The following GPC5 variants were observed in gnomAD, a reference collection of about 807,000 sequenced individuals.
GPC5 encodes glypican 5.
Under a neutral mutation model 53.9 loss-of-function variants are expected in GPC5, and 47 were observed. The ratio of observed to expected loss-of-function variants is 0.87; its 90% confidence interval spans 0.69 to 1.11. The LOEUF (loss-of-function observed/expected upper bound fraction) is 1.11, where lower values mean the gene tolerates loss of function less well. Ranked by LOEUF, GPC5 falls within the 50% of genes most tolerant of loss-of-function variation. GPC5 has a pLI of 0.00. For synonymous variants in GPC5, 286 were observed against 263.3 expected (o/e 1.09, Z -0.84); for missense variants, 748 against 713.1 (o/e 1.05, Z -0.56).
intron 7 of GPC5, among the ~76,000 whole-genome samples, chr13:92,569,005 C>T (rs1158152049): frequency 6.6e-6 from 1 of 151,134 alleles, no homozygotes; most frequent in Non-Finnish European, 1.5e-5. Flanking sequence ...TATACATGTG[C>T]CATGCTGGTG....
chr13:92,704,547 CAAATT>C (rs1887876322), intron 7 of GPC5, among the ~76,000 whole-genome samples: 1 of 151,920 alleles, frequency 6.6e-6, no homozygotes, highest in South Asian at 2.1e-4. Flanking sequence ...CAAAATTCAT[CAAATT>C]AAATTATTCT....
chr13:92,406,264 C>T (rs528394545), intron 7 of GPC5, among the ~76,000 whole-genome samples: 2 of 152,194 alleles, frequency 1.3e-5, no homozygotes, highest in Non-Finnish European at 2.9e-5. Context: ...AGGAGAGATG[C>T]ATGTACAGTT....
chr13:92,350,454 A>G (rs74107225), intron 7 of GPC5, among the ~76,000 whole-genome samples: 4,322 of 152,282 alleles, frequency 0.028, 215 homozygotes, highest in African/African-American at 0.099. Flanking sequence ...AGGCAAATAC[A>G]TGTTCTCCCT....
intron 7 of GPC5, among the ~76,000 whole-genome samples, chr13:92,863,276 G>A (rs1179292052): frequency 6.6e-6 from 1 of 152,196 alleles, no homozygotes; most frequent in East Asian, 1.9e-4. Context: ...CACTGCTTAT[G>A]GTCACTTAAC....
At chr13:92,074,574 A>G (rs1475256988) in intron 6 of GPC5, among the ~76,000 whole-genome samples, 1 of 152,176 alleles carries the variant, frequency 6.6e-6, no homozygotes, top group Non-Finnish European at 1.5e-5. Context: ...GTGTATGTTT[A>G]TGTCACACTG....
intron 7 of GPC5, among the ~76,000 whole-genome samples, chr13:92,175,274 T>A (rs780030763): frequency 1.3e-5 from 2 of 152,240 alleles, no homozygotes; most frequent in Non-Finnish European, 2.9e-5. Flanking sequence ...TGTTTGTTTC[T>A]GTTTATCGAT....
At chr13:92,238,997 T>C (rs1428785000) in intron 7 of GPC5, among the ~76,000 whole-genome samples, 2 of 133,306 alleles carry the variant, frequency 1.5e-5, no homozygotes, top group Admixed American at 1.5e-4. Flanking sequence ...GCTGACAAGA[T>C]TATTTTTTTT....
At chr13:92,781,413 C>A (rs1255326239) in intron 7 of GPC5, among the ~76,000 whole-genome samples, 2 of 151,902 alleles carry the variant, frequency 1.3e-5, no homozygotes, top group Non-Finnish European at 2.9e-5. Context: ...TAAAATTTCA[C>A]TTATCCAGAA....
At chr13:91,515,187 A>G (rs576239601) in intron 2 of GPC5, among the ~76,000 whole-genome samples, 3 of 152,200 alleles carry the variant, frequency 2.0e-5, no homozygotes, top group Non-Finnish European at 4.4e-5. Flanking sequence ...CACTATAGTT[A>G]TCTTGTTGAT....
At chr13:92,332,744 C>A (rs55985427) in intron 7 of GPC5, among the ~76,000 whole-genome samples, 4,315 of 152,054 alleles carry the variant, frequency 0.028, 215 homozygotes, top group African/African-American at 0.099. Context: ...ATAGCTATTC[C>A]CAATCACCCT....
At chr13:91,769,400 A>G (rs986853837) in intron 5 of GPC5, among the ~76,000 whole-genome samples, 1 of 152,138 alleles carries the variant, frequency 6.6e-6, no homozygotes, top group Non-Finnish European at 1.5e-5. Context: ...ACTAATTATC[A>G]CAGGTAGTAT....
intron 2 of GPC5, among the ~76,000 whole-genome samples, chr13:91,596,907 T>C (rs191051949): frequency 7.2e-5 from 11 of 152,190 alleles, no homozygotes; most frequent in African/African-American, 2.4e-4. Context: ...TTCTGGTGAA[T>C]ACTCCAGAAC....
intron 2 of GPC5, among the ~76,000 whole-genome samples, chr13:91,674,503 G>A (rs168216): frequency 0.22 from 30,577 of 138,764 alleles, 5,450 homozygotes; most frequent in African/African-American, 0.47. Flanking sequence ...ATATGCATAT[G>A]TGTATATATA....
intron 7 of GPC5, among the ~76,000 whole-genome samples, chr13:92,432,518 G>A (rs540927195): frequency 1.3e-5 from 2 of 150,306 alleles, no homozygotes; most frequent in East Asian, 2.0e-4. Context: ...ATCATCACAG[G>A]CACCCACCAC....
chr13:91,421,741 T>A (rs1315562620), intron 1 of GPC5, among the ~76,000 whole-genome samples: 1 of 152,222 alleles, frequency 6.6e-6, no homozygotes, highest in African/African-American at 2.4e-5. Flanking sequence ...CAGTACAGTT[T>A]TACTAACACC....
At chr13:92,133,683 GAGA>G (rs2041762451) in intron 6 of GPC5, among the ~76,000 whole-genome samples, 1 of 152,038 alleles carries the variant, frequency 6.6e-6, no homozygotes, top group African/African-American at 2.4e-5. Flanking sequence ...CAGTCTCATG[GAGA>G]TAAATGGTTA....
intron 2 of GPC5, among the ~76,000 whole-genome samples, chr13:91,526,302 G>A (rs1427218056): frequency 6.6e-6 from 1 of 152,138 alleles, no homozygotes; most frequent in Non-Finnish European, 1.5e-5. Flanking sequence ...TAGATACTTG[G>A]AATTGAAAGA....
intron 7 of GPC5, among the ~76,000 whole-genome samples, chr13:92,420,578 A>T (rs1215846957): frequency 6.6e-6 from 1 of 152,048 alleles, no homozygotes; most frequent in Admixed American, 6.6e-5. Flanking sequence ...CAAATACTAG[A>T]TCTTATTCTT....
In GPC5 at chr13:91,570,008, T is replaced by C. The variant is rs151215419; in HGVS notation, c.325+121086T>C. 2.3e-3 allele frequency among the ~76,000 whole-genome samples: 352 copies of C among 152,300 alleles called. 1 individual carries two copies. The highest frequency in any genetic ancestry group is 3.4e-3 in the Non-Finnish European group (229 of 68,020). On this transcript the variant is annotated intron_variant, in intron 2 of 7. Transcript: ENST00000377067. ...ATAATGAAAGAATAAGATAACAATTTAAGTGAAGGTTTGTAATTTTAGAGT... is the reference window on the plus strand; with the variant it reads ...ATAATGAAAGAATAAGATAACAATTCAAGTGAAGGTTTGTAATTTTAGAGT...
Sources: gnomAD v4.1 joint callset for allele counts (sites outside exome capture counted in the v4.1 genomes callset) on GRCh38, gnomAD v4.1.1 for gene constraint, MANE v1.5 for transcripts, NCBI Gene and HGNC (gene_info 2026-07-23, HGNC 2026-07-21) for gene names.